TENM3: variants seen among roughly 807,000 people sequenced by gnomAD.
TENM3 encodes the protein teneurin-3.
In TENM3, 63 loss-of-function variants were observed where a neutral mutation model predicts 255.1. The observed-to-expected ratio is 0.25, with a 90% CI of 0.20 to 0.30. The LOEUF (loss-of-function observed/expected upper bound fraction) is 0.30, where lower values mean the gene tolerates loss of function less well. Ranked by LOEUF, TENM3 falls within the 10% of genes least tolerant of loss-of-function variation. TENM3 has a pLI of 1.00. For missense variants in TENM3, 2,929 were observed against 3,461.1 expected (o/e 0.85, Z 3.86); for synonymous variants, 1,306 against 1,322.3 (o/e 0.99, Z 0.27).
chr4:182,695,341 TGG>T lies in TENM3; in HGVS notation c.2221+6992_2221+6993del, dbSNP rs550661722. The stretch of plus-strand genomic sequence containing the variant: ...CTAAGATCCCACAAGGGAACACCCA[TGG>T]GTTCAGGTGTCGTATGTTAATATAA... On this transcript the variant is annotated intron_variant, in intron 12 of 27. Coordinates refer to ENST00000511685, the MANE Select transcript of TENM3 (RefSeq NM_001080477.4). Among the ~76,000 whole-genome samples the T allele has an allele frequency of 1.2e-3, 179 of 152,328 alleles. 1 individual carries two copies. The highest frequency in any genetic ancestry group is 4.2e-3 in the African/African-American group (173 of 41,576).
At chr4:181,752,484 G>A in the TENM3 span, among the ~76,000 whole-genome samples, 6 of 151,982 alleles carry the variant, frequency 3.9e-5, no homozygotes, top group Admixed American at 2.6e-4. Context: ...CCCTGGAGGC[G>A]GATGTTTCAG....
the TENM3 span, among the ~76,000 whole-genome samples, chr4:181,668,323 T>C: frequency 6.6e-6 from 1 of 152,228 alleles, no homozygotes; most frequent in African/African-American, 2.4e-5. Context: ...ATCAGTCCTC[T>C]GCATGCTCCA....
chr4:181,831,421 A>C, the TENM3 span, among the ~76,000 whole-genome samples: 1 of 150,900 alleles, frequency 6.6e-6, no homozygotes, highest in East Asian at 1.9e-4. Context: ...CAAATGGTTT[A>C]TTATTTAATA....
chr4:182,231,762 G>A (rs1037609836), intron 1 of TENM3, among the ~76,000 whole-genome samples: 7 of 152,168 alleles, frequency 4.6e-5, no homozygotes, highest in African/African-American at 1.7e-4. Flanking sequence ...TGGCATGCTT[G>A]TACATCCCTG....
At chr4:182,306,545 A>G (rs549334886) in intron 1 of TENM3, among the ~76,000 whole-genome samples, 67 of 152,332 alleles carry the variant, frequency 4.4e-4, no homozygotes, top group African/African-American at 1.6e-3. Context: ...TTTTAATAGG[A>G]AATTTCATTA....
the TENM3 span, among the ~76,000 whole-genome samples, chr4:181,465,945 T>C: frequency 1.3e-5 from 2 of 152,084 alleles, no homozygotes; most frequent in African/African-American, 4.8e-5. Context: ...CCTTCTAAAA[T>C]GACTTATTTA....
chr4:181,607,170 C>T, the TENM3 span, among the ~76,000 whole-genome samples: 1 of 152,152 alleles, frequency 6.6e-6, no homozygotes, highest in East Asian at 1.9e-4. Context: ...CTTTGGGGGC[C>T]ATTTGCCATC....
the TENM3 span, among the ~76,000 whole-genome samples, chr4:181,785,735 C>T: frequency 9.9e-5 from 15 of 151,950 alleles, no homozygotes; most frequent in Non-Finnish European, 7.4e-5. Flanking sequence ...TGAAATCCGA[C>T]ACACCTGTAG....
At chr4:182,446,167 T>G (rs1486470971) in intron 3 of TENM3, among the ~76,000 whole-genome samples, 1 of 152,272 alleles carries the variant, frequency 6.6e-6, no homozygotes, top group Non-Finnish European at 1.5e-5. Flanking sequence ...CTGCTACTGC[T>G]ACTGCTCAGC....
the TENM3 span, among the ~76,000 whole-genome samples, chr4:181,786,711 T>TA: frequency 6.6e-6 from 1 of 151,474 alleles, no homozygotes; most frequent in East Asian, 1.9e-4. Flanking sequence ...TTTTTTTTTT[T>TA]TCCTGGAAAG....
chr4:181,758,606 C>T, the TENM3 span, among the ~76,000 whole-genome samples: 1 of 152,118 alleles, frequency 6.6e-6, no homozygotes, highest in Non-Finnish European at 1.5e-5. Flanking sequence ...GATAATTGCA[C>T]CTTACGGAAC....
At chr4:182,510,223 C>T (rs995084626) in intron 3 of TENM3, among the ~76,000 whole-genome samples, 5 of 152,172 alleles carry the variant, frequency 3.3e-5, no homozygotes, top group African/African-American at 1.2e-4. Context: ...GTTTACATTG[C>T]TTTATCAATC....
the TENM3 span, among the ~76,000 whole-genome samples, chr4:181,661,574 A>G: frequency 6.6e-6 from 1 of 152,166 alleles, no homozygotes; most frequent in Non-Finnish European, 1.5e-5. Flanking sequence ...AGAAAGTCTT[A>G]AACAGATAGT....
At chr4:182,100,866 T>TACACTC in the TENM3 span, among the ~76,000 whole-genome samples, 3 of 95,136 alleles carry the variant, frequency 3.2e-5, no homozygotes, top group Admixed American at 1.1e-4. Context: ...TACTCATATA[T>TACACTC]ATATATATAG....
chr4:182,430,278 G>A (rs565437103), intron 3 of TENM3, among the ~76,000 whole-genome samples: 2 of 152,376 alleles, frequency 1.3e-5, no homozygotes, highest in African/African-American at 4.8e-5. Flanking sequence ...GCCGGGCGCA[G>A]TGGCTCACGC....
At chr4:182,025,160 C>G in the TENM3 span, among the ~76,000 whole-genome samples, 1 of 151,920 alleles carries the variant, frequency 6.6e-6, no homozygotes, top group African/African-American at 2.4e-5. Flanking sequence ...TCCCCAGTAG[C>G]TGGGACTACA....
intron 1 of TENM3, among the ~76,000 whole-genome samples, chr4:182,291,900 A>G (rs1048718660): frequency 6.6e-6 from 1 of 151,992 alleles, no homozygotes; most frequent in African/African-American, 2.4e-5. Flanking sequence ...GGAGGCAGGC[A>G]GACTCCAACC....
At chr4:182,503,672 C>G (rs148079926) in intron 3 of TENM3, among the ~76,000 whole-genome samples, 1 of 152,104 alleles carries the variant, frequency 6.6e-6, no homozygotes, top group Middle Eastern at 3.2e-3. Flanking sequence ...GGCAGAAACT[C>G]AAGGGAGGAC....
chr4:182,331,413 G>T (rs79520354), intron 2 of TENM3, among the ~76,000 whole-genome samples: 207 of 152,192 alleles, frequency 1.4e-3, no homozygotes, highest in African/African-American at 4.7e-3. Context: ...AGGTGTGGTG[G>T]CAGGAGCCTG....
Sources: allele counts gnomAD v4.1 joint callset (sites outside exome capture counted in the v4.1 genomes callset), GRCh38; gene constraint gnomAD v4.1.1; transcripts MANE v1.5; gene names NCBI Gene and HGNC (gene_info 2026-07-23, HGNC 2026-07-21).